CNTN5: variants seen among roughly 807,000 people sequenced by gnomAD.
CNTN5 encodes the protein contactin-5.
CNTN5 carries 77 observed loss-of-function variants against 129.1 expected under a neutral mutation model. The ratio of observed to expected loss-of-function variants is 0.60; its 90% CI spans 0.50 to 0.72. The LOEUF is 0.72. Ranked by LOEUF, CNTN5 falls within the 30% of genes least tolerant of loss-of-function variation. The pLI, the probability that CNTN5 is intolerant of heterozygous loss-of-function variation, is 0.00. For missense variants in CNTN5, 1,478 were observed against 1,328.8 expected (o/e 1.11, Z -1.75); for synonymous variants, 509 against 465.6 (o/e 1.09, Z -1.20).
chr11:99,061,647 G>A (rs891744875), intron 1 of CNTN5, among the ~76,000 whole-genome samples: 2 of 152,094 alleles, frequency 1.3e-5, no homozygotes, highest in Non-Finnish European at 2.9e-5. Flanking sequence ...TATAGACTTC[G>A]ATGTGAGGAC....
intron 9 of CNTN5, among the ~76,000 whole-genome samples, chr11:100,041,409 A>G (rs1942370348): frequency 6.6e-6 from 1 of 152,210 alleles, no homozygotes. Context: ...GGTCTACGAC[A>G]AAGTCTAGAA....
rs757920887 is a variant in CNTN5 at position 99,134,242 on chromosome 11, G to A, written c.-210+112972G>A. Among the ~76,000 whole-genome samples, 8 of 152,142 alleles carry A rather than the reference G, an allele frequency of 5.3e-5. 1 individual carries two copies. Among genetic ancestry groups the A allele is most frequent in the Middle Eastern group, 3.4e-3 (1 of 294 alleles). ...ACAGGCAGGAGAACTACATACACTGGAACCTGCTGAGGGAGGGCAAGGCAG... is the reference window on the plus strand; with the variant it reads ...ACAGGCAGGAGAACTACATACACTGAAACCTGCTGAGGGAGGGCAAGGCAG... On this transcript the variant is annotated intron_variant, in intron 1 of 24. Coordinates refer to ENST00000524871, the MANE Select transcript of CNTN5 (RefSeq NM_014361.4).
At chr11:100,182,299 A>T (rs1244908697) in intron 13 of CNTN5, among the ~76,000 whole-genome samples, 1 of 152,126 alleles carries the variant, frequency 6.6e-6, no homozygotes, top group Non-Finnish European at 1.5e-5. Context: ...GTCCAGGATC[A>T]GGATGCTAAG....
At chr11:99,813,195 G>C (rs1946482274) in intron 3 of CNTN5, among the ~76,000 whole-genome samples, 1 of 152,112 alleles carries the variant, frequency 6.6e-6, no homozygotes, top group Admixed American at 6.6e-5. Flanking sequence ...AAGAATGTTA[G>C]AGGTTGCTGA....
intron 2 of CNTN5, among the ~76,000 whole-genome samples, chr11:99,402,857 T>C (rs1313263314): frequency 6.6e-6 from 1 of 152,192 alleles, no homozygotes; most frequent in Non-Finnish European, 1.5e-5. Context: ...TATTGGCATA[T>C]AGTTACTCAT....
chr11:99,525,144 G>A (rs1947436830), intron 2 of CNTN5, among the ~76,000 whole-genome samples: 2 of 139,066 alleles, frequency 1.4e-5, no homozygotes, highest in Non-Finnish European at 3.3e-5. Context: ...AATTTAAAGG[G>A]AGGCTTTTTT....
chr11:99,615,355 A>G (rs1373194931), intron 3 of CNTN5, among the ~76,000 whole-genome samples: 1 of 152,164 alleles, frequency 6.6e-6, no homozygotes, highest in East Asian at 1.9e-4. Context: ...TTCTTTATAA[A>G]ATCACAAGAT....
At chr11:99,727,921 T>A (rs921486363) in intron 3 of CNTN5, among the ~76,000 whole-genome samples, 39 of 151,998 alleles carry the variant, frequency 2.6e-4, no homozygotes, top group Non-Finnish European at 4.4e-4. Flanking sequence ...ATAAAAAAAA[T>A]TGAGTCACAG....
intron 15 of CNTN5, among the ~76,000 whole-genome samples, chr11:100,211,309 G>C (rs932072824): frequency 6.6e-6 from 1 of 152,098 alleles, no homozygotes; most frequent in Non-Finnish European, 1.5e-5. Flanking sequence ...ATAGTTAATA[G>C]CAGGACAACA....
intron 1 of CNTN5, among the ~76,000 whole-genome samples, chr11:99,139,373 T>G (rs1859404024): frequency 6.6e-6 from 1 of 152,158 alleles, no homozygotes; most frequent in Non-Finnish European, 1.5e-5. Flanking sequence ...TGTGGATAGA[T>G]CTATAAAAGA....
At chr11:99,968,656 C>CTTTTTTTTTTTTTTTTTT (rs71050037) in intron 8 of CNTN5, among the ~76,000 whole-genome samples, 4 of 73,908 alleles carry the variant, frequency 5.4e-5, no homozygotes, top group Non-Finnish European at 4.9e-5. Context: ...GCTTTGGGTA[C>CTTTTTTTTTTTTTTTTTT]TTTTTTTTTT....
chr11:99,272,686 A>G (rs968369112), intron 1 of CNTN5, among the ~76,000 whole-genome samples: 8 of 151,906 alleles, frequency 5.3e-5, no homozygotes, highest in African/African-American at 1.9e-4. Flanking sequence ...AATCTGTACC[A>G]TGATACTTAC....
chr11:99,769,746 A>G (rs947440547), intron 3 of CNTN5, among the ~76,000 whole-genome samples: 1 of 151,656 alleles, frequency 6.6e-6, no homozygotes, highest in African/African-American at 2.4e-5. Context: ...CCCAGGAGGC[A>G]GAAGTTGCGC....
intron 1 of CNTN5, among the ~76,000 whole-genome samples, chr11:99,158,486 C>A (rs971362247): frequency 6.6e-6 from 1 of 152,054 alleles, no homozygotes; most frequent in Non-Finnish European, 1.5e-5. Flanking sequence ...TTTGAGATAT[C>A]TGTTTTATTA....
At chr11:99,652,275 C>T (rs188331953) in intron 3 of CNTN5, among the ~76,000 whole-genome samples, 10 of 152,176 alleles carry the variant, frequency 6.6e-5, no homozygotes, top group Middle Eastern at 3.4e-3. Flanking sequence ...CCCCCTCTCA[C>T]AACATGACTG....
At chr11:99,267,799 T>C (rs1371148499) in intron 1 of CNTN5, among the ~76,000 whole-genome samples, 1 of 151,942 alleles carries the variant, frequency 6.6e-6, no homozygotes, top group East Asian at 1.9e-4. Flanking sequence ...ATCTGTGAGT[T>C]CCAGATATTC....
intron 6 of CNTN5, among the ~76,000 whole-genome samples, chr11:99,900,317 T>C (rs1226518482): frequency 1.3e-5 from 2 of 151,872 alleles, no homozygotes; most frequent in Admixed American, 1.3e-4. Context: ...AAAAATCTTA[T>C]ATTTTTTGTG....
intron 13 of CNTN5, among the ~76,000 whole-genome samples, chr11:100,157,836 C>A (rs1947308350): frequency 6.7e-6 from 1 of 148,502 alleles, no homozygotes; most frequent in South Asian, 2.2e-4. Flanking sequence ...TATTCCAGAT[C>A]TATATAGATA....
intron 3 of CNTN5, among the ~76,000 whole-genome samples, chr11:99,778,215 T>G (rs1945192081): frequency 6.6e-6 from 1 of 151,770 alleles, no homozygotes; most frequent in Non-Finnish European, 1.5e-5. Context: ...AAAACATTCT[T>G]TAGGTATGTC....
Sources: gnomAD v4.1 joint callset for allele counts (sites outside exome capture counted in the v4.1 genomes callset) on GRCh38, gnomAD v4.1.1 for gene constraint, MANE v1.5 for transcripts, NCBI Gene and HGNC (gene_info 2026-07-23, HGNC 2026-07-21) for gene names.